Variants in NTRK3 observed in about 807,000 individuals in gnomAD.
The protein encoded by NTRK3 is neurotrophic receptor tyrosine kinase 3.
NTRK3 carries 24 observed loss-of-function variants against 91.7 expected under a neutral mutation model. The ratio of observed to expected loss-of-function variants is 0.26; its 90% CI spans 0.19 to 0.37. The LOEUF is 0.37. Ranked by LOEUF, NTRK3 falls within the 10% of genes least tolerant of loss-of-function variation. NTRK3 has a pLI of 1.00. For synonymous variants in NTRK3, 483 were observed against 404.0 expected (o/e 1.20, Z -2.34); for missense variants, 880 against 1,068.9 (o/e 0.82, Z 2.46).
chr15:88,225,267 G>A (rs1447739426), intron 3 of NTRK3, among the ~76,000 whole-genome samples: 4 of 152,162 alleles, frequency 2.6e-5, no homozygotes, highest in Non-Finnish European at 5.9e-5. Flanking sequence ...TTTTGCTTGA[G>A]TGAGAGAAGA....
At chr15:88,232,234 C>A (rs1340580317) in intron 3 of NTRK3, among the ~76,000 whole-genome samples, 1 of 152,172 alleles carries the variant, frequency 6.6e-6, no homozygotes, top group Admixed American at 6.5e-5. Flanking sequence ...CCTATATAGG[C>A]ACCATCCTCA....
intron 5 of NTRK3, among the ~76,000 whole-genome samples, chr15:88,152,339 AC>A (rs964858434): frequency 2.3e-4 from 35 of 151,992 alleles, no homozygotes; most frequent in African/African-American, 8.2e-4. Context: ...CAAAATCCTA[AC>A]CCCCATTGTG....
chr15:87,953,064 T>G (rs1049845656), intron 14 of NTRK3, among the ~76,000 whole-genome samples: 1 of 152,102 alleles, frequency 6.6e-6, no homozygotes, highest in African/African-American at 2.4e-5. Flanking sequence ...CTGCCAGGTG[T>G]TTTCCCACCA....
intron 14 of NTRK3, among the ~76,000 whole-genome samples, chr15:88,004,771 C>T (rs185677582): frequency 6.6e-6 from 1 of 151,880 alleles, no homozygotes; most frequent in Non-Finnish European, 1.5e-5. Context: ...TGAGACTCAC[C>T]CTTGAAAAAG....
At chr15:88,242,778 G>A (rs1212840255) in intron 3 of NTRK3, among the ~76,000 whole-genome samples, 1 of 152,212 alleles carries the variant, frequency 6.6e-6, no homozygotes. Flanking sequence ...GCTAGGATGG[G>A]CTTTGGCAAA....
intron 13 of NTRK3, among the ~76,000 whole-genome samples, chr15:88,072,234 G>A (rs532911305): frequency 2.6e-5 from 4 of 152,004 alleles, no homozygotes; most frequent in Non-Finnish European, 5.9e-5. Context: ...TCGAACTCCT[G>A]ACCTCATGAT....
intron 13 of NTRK3, among the ~76,000 whole-genome samples, chr15:88,090,518 T>C (rs2048923587): frequency 6.6e-6 from 1 of 152,144 alleles, no homozygotes; most frequent in Non-Finnish European, 1.5e-5. Flanking sequence ...CCCTATGGGA[T>C]AATCACTTGG....
chr15:88,127,727 TG>T (rs1217145800), intron 11 of NTRK3, among the ~76,000 whole-genome samples: 1 of 152,136 alleles, frequency 6.6e-6, no homozygotes, highest in East Asian at 1.9e-4. Context: ...CCAGGAGGCC[TG>T]GGGATCCATC....
intron 14 of NTRK3, among the ~76,000 whole-genome samples, chr15:87,957,677 G>T (rs1474985829): frequency 6.6e-6 from 1 of 152,208 alleles, no homozygotes. Flanking sequence ...ACTTCTGTAA[G>T]GTGGGGTGAC....
chr15:87,899,008 T>C (rs8038375), intron 17 of NTRK3, among the ~76,000 whole-genome samples: 4,747 of 152,106 alleles, frequency 0.031, 262 homozygotes, highest in African/African-American at 0.11. Flanking sequence ...ACTAACACCA[T>C]AACAACTCTA....
chr15:87,942,558 C>T (rs1170521782), intron 14 of NTRK3, among the ~76,000 whole-genome samples: 4 of 152,146 alleles, frequency 2.6e-5, no homozygotes, highest in Non-Finnish European at 5.9e-5. Context: ...CCTGGCACGG[C>T]CTGGGAGTGA....
rs762469462 is a variant in NTRK3 at position 87,979,331 on chromosome 15, C to T, written c.1586-38578G>A. 1.0e-5 allele frequency: 16 copies of T among 1,571,654 alleles called. No homozygotes were observed. The East Asian group carries it at 2.9e-4, about 29-fold the overall frequency. ...CCAAGGTGACATCAAAACAAGGAGG[C>T]TTAAAAGGAGTTTTTAAAAGCCATG... On this transcript the variant is annotated intron_variant, in intron 14 of 18. Coordinates refer to ENST00000394480, the Ensembl canonical transcript of NTRK3.
chr15:87,872,022 A>T, exon 19 of NTRK3: 1 of 220,268 alleles, frequency 4.5e-6, no homozygotes. Flanking sequence ...TTCAGGAGCC[A>T]AAAACACAGT....
exon 19 of NTRK3, chr15:87,864,333 T>C (rs1353512253): frequency 1.3e-5 from 3 of 231,546 alleles, no homozygotes. Flanking sequence ...AATCAATCTT[T>C]TCTAGCCTGG....
exon 19 of NTRK3, chr15:87,875,975 C>T (rs1386627780): frequency 4.3e-6 from 1 of 231,980 alleles, no homozygotes; most frequent in African/African-American, 2.2e-5. Context: ...TGTTTCCTAA[C>T]CCCCTAAGCT....
At chr15:88,136,010 T>C (rs1567498322) in exon 9 of NTRK3, 5 of 1,614,254 alleles carry the variant, frequency 3.1e-6, no homozygotes, top group Non-Finnish European at 4.2e-6. Context: ...GTCAAGTTGA[T>C]GGCATGAACA....
At chr15:88,135,372 C>T (rs1489874218) in exon 10 of NTRK3, 4 of 1,614,098 alleles carry the variant, frequency 2.5e-6, no homozygotes, top group Non-Finnish European at 3.4e-6. Flanking sequence ...GCTCAGGCTC[C>T]TCCAGGCTCA....
chr15:88,248,097 G>A (rs539717366), intron 3 of NTRK3, among the ~76,000 whole-genome samples: 260 of 152,286 alleles, frequency 1.7e-3, no homozygotes, highest in Non-Finnish European at 2.6e-3. Context: ...TGCTGACCAC[G>A]GCTCAGCCCA....
At chr15:88,089,269 A>G (rs1597240153) in intron 13 of NTRK3, among the ~76,000 whole-genome samples, 1 of 152,332 alleles carries the variant, frequency 6.6e-6, no homozygotes, top group East Asian at 1.9e-4. Context: ...GCCTCGGCTC[A>G]GTTATCTGCA....
Sources: allele counts gnomAD v4.1 joint callset (sites outside exome capture counted in the v4.1 genomes callset), GRCh38; gene constraint gnomAD v4.1.1; transcripts MANE v1.5; gene names NCBI Gene and HGNC (gene_info 2026-07-23, HGNC 2026-07-21).